The following IDH3A variants were observed in gnomAD, a reference collection of about 807,000 sequenced individuals.
The protein encoded by IDH3A is isocitrate dehydrogenase [NAD] subunit alpha, mitochondrial.
A neutral mutation model predicts 43.3 loss-of-function variants in IDH3A; 23 were observed. The ratio of observed to expected loss-of-function variants is 0.53; its 90% CI spans 0.38 to 0.75. IDH3A has a LOEUF of 0.75. Ranked by LOEUF, IDH3A falls within the 30% of genes least tolerant of loss-of-function variation. IDH3A has a pLI of 0.00. For synonymous variants in IDH3A, 154 were observed against 163.5 expected, an observed-to-expected ratio of 0.94 and a Z score of 0.44; for missense variants, 329 against 474.4, an observed-to-expected ratio of 0.69 and a Z score of 2.85.
intron 3 of IDH3A, among the ~76,000 whole-genome samples, 193 bp downstream of exon 3, chr15:78,157,824 CTTTT>C (rs1009643108): frequency 4.2e-5 from 6 of 144,050 alleles, no homozygotes; most frequent in African/African-American, 1.5e-4. Flanking sequence ...TTCTTTCTTT[CTTTT>C]TTTTTTTTTT....
chr15:78,165,846 G>A (rs1444501824), intron 9 of IDH3A, among the ~76,000 whole-genome samples: 1 of 151,968 alleles, frequency 6.6e-6, no homozygotes, highest in Non-Finnish European at 1.5e-5. Context: ...GCACCACCAT[G>A]CCTGGCTAAT....
At chr15:78,155,103 A>C in intron 1 of IDH3A, 110 bp from the exon 2 acceptor site, 1 of 703,960 alleles carries the variant, frequency 1.4e-6, no homozygotes, top group Non-Finnish European at 2.5e-6. Context: ...AAGCTACTGA[A>C]TATATCTGTG....
rs2074679509 is a variant in IDH3A at position 78,161,323 on chromosome 15, G to A, written c.290-258G>A. Among the ~76,000 whole-genome samples the A allele has an allele frequency of 6.6e-6, 1 of 152,174 alleles. No homozygotes were observed. The highest frequency in any genetic ancestry group is 1.9e-4 in the East Asian group (1 of 5,200). ...AAATGACAGTAACAGAGTTGCTGTT[G>A]TACGGGGTGATGATAAGGATTATAT... On this transcript the variant is annotated intron_variant, in intron 4 of 10. Transcript: ENST00000299518. This position sits in a 1 kb window ranked among gnomAD's most constrained non-coding sequence, Gnocchi z 4.8.
rs1457008485 is a variant in IDH3A at position 78,149,504 on chromosome 15, G to T, written c.27+74G>T. 5.2e-6 allele frequency: 7 copies of T among 1,351,418 alleles called. No individual in the cohort carries two copies. The Admixed American group carries it at 1.4e-4, about 27-fold the overall frequency. 83.7% of individuals were successfully genotyped at this position (1,351,418 alleles called of 1,614,324 possible). On this transcript the variant is annotated intron_variant, in intron 1 of 10. Coordinates refer to ENST00000299518, the MANE Select transcript of IDH3A (RefSeq NM_005530.3). ...TGGCAGGAGAGCCGGTCGCGTGCCG[G>T]GTGTGGGCGGGCGCGTGGGCCAGAC...
chr15:78,151,772 T>C (rs1165496457), intron 1 of IDH3A, among the ~76,000 whole-genome samples: 3 of 151,366 alleles, frequency 2.0e-5, no homozygotes, highest in Non-Finnish European at 2.9e-5. Context: ...TCTCTACAGG[T>C]TTTATATAAA....
chr15:78,157,231 T>C (rs1399450434), intron 2 of IDH3A: 3 of 991,662 alleles, frequency 3.0e-6, no homozygotes, highest in Admixed American at 4.5e-5. Flanking sequence ...AATTGGTCTC[T>C]TTGCAGCTTG....
At position 78,162,138 on chromosome 15, in the gene IDH3A, G is replaced by A. The variant is rs1003254603; in HGVS notation, c.478-96G>A. 6 of 1,317,530 alleles carry A rather than the reference G, an allele frequency of 4.6e-6. No homozygotes were observed. In the African/African-American group the frequency reaches 7.2e-5, roughly 16 times the overall value. The allele number at this position is 1,317,530 out of a possible 1,614,324, so 81.6% of individuals were successfully genotyped here. A position where few individuals can be genotyped will look rare whatever the true frequency, so the allele number is the denominator to read the frequency against. On this transcript the variant is annotated intron_variant, in intron 5 of 10. Coordinates refer to ENST00000299518, the MANE Select transcript of IDH3A (RefSeq NM_005530.3). ...AGTCATGCTAGCTGGCACTGTGCAG[G>A]CCTGCCACAAATGTTACTGTCTACT...
intron 2 of IDH3A, chr15:78,155,619 G>A (rs1044893022): frequency 5.1e-5 from 10 of 194,276 alleles, no homozygotes; most frequent in African/African-American, 2.4e-4. Flanking sequence ...AGAGAAAATT[G>A]TTGAGAAGCT....
In IDH3A at chr15:78,161,855, G is replaced by T. The variant is rs547521496; in HGVS notation, c.477+87G>T. The stretch of plus-strand genomic sequence containing the variant: ...CCAGAGACAGATCTGCTTTATCTCT[G>T]TGAGGAGTTGTGGGTGTTTGTCTTG... On this transcript the variant is annotated intron_variant, in intron 5 of 10. Transcript: ENST00000299518. The surrounding 1 kb of genome is among the most constrained non-coding windows in gnomAD (Gnocchi z 4.8). The T allele has an allele frequency of 2.6e-6, 3 of 1,154,964 alleles. No homozygotes were observed. The South Asian group carries it at 4.1e-5, about 16-fold the overall frequency. 71.5% of individuals were successfully genotyped at this position (1,154,964 alleles called of 1,614,324 possible). A position where few individuals can be genotyped will look rare whatever the true frequency, so the allele number is the denominator to read the frequency against.
intron 1 of IDH3A, among the ~76,000 whole-genome samples, chr15:78,152,395 T>C (rs1204509398): frequency 8.2e-4 from 92 of 112,798 alleles, no homozygotes; most frequent in African/African-American, 2.8e-3. Flanking sequence ...AGTTTTGCTC[T>C]TGTCACCCAG....
At chr15:78,155,318 C>G in intron 2 of IDH3A, 43 bp downstream of exon 2, 1 of 1,353,116 alleles carries the variant, frequency 7.4e-7, no homozygotes, top group Non-Finnish European at 1.1e-6. Flanking sequence ...TTAGAAGTTT[C>G]TCAAGAAAGA....
intron 9 of IDH3A, among the ~76,000 whole-genome samples, chr15:78,165,519 A>G (rs867277707): frequency 2.4e-4 from 37 of 152,174 alleles, no homozygotes; most frequent in African/African-American, 8.9e-4. Flanking sequence ...ACACCCATAT[A>G]TAAACATATA....
chr15:78,169,888 A>G lies in IDH3A; in HGVS notation c.*883A>G, dbSNP rs1443742808. 1 of 152,220 alleles carries G rather than the reference A, an allele frequency of 6.6e-6. No homozygotes were observed. The highest frequency in any genetic ancestry group is 2.1e-4 in the South Asian group (1 of 4,828). The allele number at this position is 152,220 out of a possible 1,614,324, so 9.4% of individuals were successfully genotyped here. ...GCTGTCTGGGAATGGACCACACTAC[A>G]GCAGGTAGTTCTGGGGGCGATACTG... On this transcript the variant is annotated 3_prime_UTR_variant, in exon 11 of 11. Transcript: ENST00000299518.
intron 3 of IDH3A, among the ~76,000 whole-genome samples, chr15:78,158,852 G>A (rs1338217813): frequency 6.6e-6 from 1 of 151,742 alleles, no homozygotes; most frequent in East Asian, 1.9e-4. Flanking sequence ...TTTGTTTTGA[G>A]ACATTGTTTC....
chr15:78,156,880 T>A, intron 2 of IDH3A: 1 of 1,348,092 alleles, frequency 7.4e-7, no homozygotes, highest in Non-Finnish European at 9.8e-7. Flanking sequence ...GCAGGTATGA[T>A]GACATATACT....
intron 3 of IDH3A, 93 bp downstream of exon 3, chr15:78,157,724 C>A: frequency 1.3e-6 from 1 of 775,666 alleles, no homozygotes; most frequent in Non-Finnish European, 2.2e-6. Context: ...GCATTGTACC[C>A]ATTTCTATGA....
At chr15:78,166,438 G>T in intron 10 of IDH3A, 136 bp downstream of exon 10, 1 of 859,598 alleles carries the variant, frequency 1.2e-6, no homozygotes, top group Non-Finnish European at 1.9e-6. Context: ...GATTCTTAAC[G>T]TGGGTCCCAG....
intron 1 of IDH3A, among the ~76,000 whole-genome samples, chr15:78,153,965 G>A (rs934276291): frequency 5.3e-4 from 80 of 151,868 alleles, no homozygotes; most frequent in African/African-American, 1.5e-3. Context: ...AGCCGAGATT[G>A]CACCATTGCA....
In IDH3A at chr15:78,170,934, T is replaced by C. The variant is rs2074813592; in HGVS notation, c.*1929T>C. 2.0e-5 allele frequency: 3 copies of C among 153,184 alleles called. No homozygotes were observed. The highest frequency in any genetic ancestry group is 4.8e-5 in the African/African-American group (2 of 41,472). 9.5% of individuals were successfully genotyped at this position (153,184 alleles called of 1,614,324 possible). Reference sequence around the variant, plus strand: ...GCAGTTTTATTAAGCATCAAGTCAGTTGGCATGTGGGTGGCGGAGTGCCTG... The same window carrying C: ...GCAGTTTTATTAAGCATCAAGTCAGCTGGCATGTGGGTGGCGGAGTGCCTG... On this transcript the variant is annotated 3_prime_UTR_variant, in exon 11 of 11. Coordinates refer to ENST00000299518, the MANE Select transcript of IDH3A (RefSeq NM_005530.3).
Sources: gnomAD v4.1 joint callset for allele counts (sites outside exome capture counted in the v4.1 genomes callset) on GRCh38, gnomAD v4.1.1 for gene constraint, Gnocchi (gnomAD v3.1) non-coding constraint, MANE v1.5 for transcripts, NCBI Gene and HGNC (gene_info 2026-07-23, HGNC 2026-07-21) for gene names.